Variants in SSNA1 observed in about 807,000 individuals in gnomAD.
SSNA1 encodes microtubule nucleation factor SSNA1.
A neutral mutation model predicts 13.3 loss-of-function variants in SSNA1; 13 were observed. The observed-to-expected ratio is 0.97, with a 90% CI of 0.63 to 1.55. The LOEUF (loss-of-function observed/expected upper bound fraction) is 1.55, where lower values mean the gene tolerates loss of function less well. Among genes scored for constraint, SSNA1 ranks in the 40% most tolerant of loss-of-function variants. The pLI is 0.00. For missense variants in SSNA1, 186 were observed against 152.7 expected (o/e 1.22, Z -1.15); for synonymous variants, 89 against 65.9 (o/e 1.35, Z -1.70).
Position 137,189,837 on chromosome 9 carries a change from G to A in SSNA1, c.283G>A (p.Val95Ile), listed in dbSNP as rs562308279. ...ILESSQTLLS[V>I]LKREAGNLTK... ...GGAGAGCTCCCAGACTTTGCTCAGC[G>A]TTCTCAAGAGGGAAGCTGGGAACCT... The change falls in exon 3 of 3, where the codon GTT becomes ATT. Residue 95 changes from valine to isoleucine, a missense_variant. Val to Ile is a conservative substitution (Grantham distance 29). Coordinates refer to ENST00000322310, the MANE Select transcript of SSNA1 (RefSeq NM_003731.3). 3 of 1,614,002 alleles carry A rather than the reference G, an allele frequency of 1.9e-6. No homozygotes were observed. The highest frequency in any genetic ancestry group is 1.7e-5 in the Admixed American group (1 of 60,018).
chr9:137,188,894 C>T lies in SSNA1; in HGVS notation c.52+116C>T, dbSNP rs1834546852. The T allele has an allele frequency of 3.7e-6, 5 of 1,345,818 alleles. No homozygotes were observed. In the South Asian group the frequency reaches 4.7e-5, roughly 13 times the overall value. The allele number at this position is 1,345,818 out of a possible 1,614,324, so 83.4% of individuals were successfully genotyped here. Reference sequence around the variant, plus strand: ...CGGGCATCGCGCGGCTGAGCAGAGCCCTCCGTGCCGGAGGCCGGGTGTCCG... The same window carrying T: ...CGGGCATCGCGCGGCTGAGCAGAGCTCTCCGTGCCGGAGGCCGGGTGTCCG... On this transcript the variant is annotated intron_variant, in intron 1 of 2. Transcript: ENST00000322310.
At position 137,190,066 on chromosome 9, in the gene SSNA1, G is replaced by A. The variant is rs1588769731; in HGVS notation, c.*152G>A. ...CAGGTGCCAGCCTCCACTGGCATCA[G>A]TGACAAGCCCAGGGCACAGCCCACC... On this transcript the variant is annotated 3_prime_UTR_variant, in exon 3 of 3. Coordinates refer to ENST00000322310, the MANE Select transcript of SSNA1 (RefSeq NM_003731.3). 5.8e-6 allele frequency: 4 copies of A among 693,732 alleles called. No homozygotes were observed. The highest frequency in any genetic ancestry group is 7.3e-6 in the Non-Finnish European group (3 of 409,780). 43.0% of individuals were successfully genotyped at this position (693,732 alleles called of 1,614,324 possible).
rs1395216733 is a variant in SSNA1 at position 137,190,089 on chromosome 9, A to AC, written c.*178dup. 1.8e-5 allele frequency: 11 copies of AC among 610,430 alleles called. No individual in the cohort carries two copies. The East Asian group carries it at 2.3e-4, about 13-fold the overall frequency. 37.8% of individuals were successfully genotyped at this position (610,430 alleles called of 1,614,324 possible). ...CAGTGACAAGCCCAGGGCACAGCCC[A>AC]CCCGGGGGTCCTCGCTTCATGCTCA... On this transcript the variant is annotated 3_prime_UTR_variant, in exon 3 of 3. Transcript: ENST00000322310.
At position 137,188,693 on chromosome 9, in the gene SSNA1, G is replaced by C; in HGVS notation, c.-34G>C. 2 of 1,574,716 alleles carry C rather than the reference G, an allele frequency of 1.3e-6. No individual in the cohort carries two copies. Among genetic ancestry groups the C allele is most frequent in the Non-Finnish European group, 1.7e-6 (2 of 1,169,254 alleles). ...GCGCGGACAGCGCTGCTTCCGCGGC[G>C]GTTGGGGTGGTGGGGCCCCGGGCGG... On this transcript the variant is annotated 5_prime_UTR_variant, in exon 1 of 3. Coordinates refer to ENST00000322310, the MANE Select transcript of SSNA1 (RefSeq NM_003731.3).
chr9:137,188,922 G>A (rs1295289731), intron 1 of SSNA1, 144 bp downstream of exon 1: 3 of 1,320,628 alleles, frequency 2.3e-6, no homozygotes, highest in Non-Finnish European at 2.0e-6. Flanking sequence ...GGTGTCCGTG[G>A]CCCGAGCCCT....
Position 137,190,048 on chromosome 9 carries a change from C to A in SSNA1, c.*134C>A. 1 of 781,044 alleles carries A rather than the reference C, an allele frequency of 1.3e-6. No individual in the cohort carries two copies. Among genetic ancestry groups the A allele is most frequent in the Non-Finnish European group, 2.1e-6 (1 of 484,016 alleles). 48.4% of individuals were successfully genotyped at this position (781,044 alleles called of 1,614,324 possible). A position where few individuals can be genotyped will look rare whatever the true frequency, so the allele number is the denominator to read the frequency against. On this transcript the variant is annotated 3_prime_UTR_variant, in exon 3 of 3. Transcript: ENST00000322310. ...CTCAGGTGCCGAGAGGGGCAGGTGC[C>A]AGCCTCCACTGGCATCAGTGACAAG...
In SSNA1 at chr9:137,189,768, A is replaced by G. The variant is rs773332237; in HGVS notation, c.253-39A>G. ...AGCTGGGGCTTAGGACCTTACCAAC[A>G]GGTGAACATTAACAACCTTCTCACT... On this transcript the variant is annotated intron_variant, in intron 2 of 2. Transcript: ENST00000322310. 67 of 1,586,916 alleles carry G rather than the reference A, an allele frequency of 4.2e-5. 1 individual carries two copies. In the South Asian group the frequency reaches 7.3e-4, roughly 17 times the overall value.
Position 137,189,876 on chromosome 9 carries a change from G to A in SSNA1, c.322G>A (p.Ala108Thr). 2 of 1,613,980 alleles carry A rather than the reference G, an allele frequency of 1.2e-6. No homozygotes were observed. The highest frequency in any genetic ancestry group is 1.7e-6 in the Non-Finnish European group (2 of 1,180,026). The change falls in exon 3 of 3, where the codon GCC becomes ACC. Residue 108 changes from alanine to threonine, a missense_variant. Transcript: ENST00000322310. ...AGCTGGGAACCTGACCAAGGCTACA[G>A]CCCCAGACCAGAAAAGTAGCGGCGG... Reference protein sequence around the residue: ...REAGNLTKATAPDQKSSGGRD... With the variant: ...REAGNLTKATTPDQKSSGGRD...
intron 2 of SSNA1, among the ~76,000 whole-genome samples, 193 bp from the exon 3 acceptor site, chr9:137,189,614 G>A (rs1834565845): frequency 6.6e-6 from 1 of 152,218 alleles, no homozygotes; most frequent in Admixed American, 6.5e-5. Context: ...AAGTGTTTTG[G>A]GTCAGATTCC....
chr9:137,189,496 T>C (rs1220324642), intron 2 of SSNA1, among the ~76,000 whole-genome samples: 1 of 152,226 alleles, frequency 6.6e-6, no homozygotes, highest in Admixed American at 6.5e-5. Context: ...CTTTATCCGG[T>C]TCTCGCTAGC....
At chr9:137,189,752 T>A in intron 2 of SSNA1, 55 bp from the exon 3 acceptor site, 1 of 1,533,468 alleles carries the variant, frequency 6.5e-7, no homozygotes, top group Non-Finnish European at 9.0e-7. Flanking sequence ...CAGCTGGGGC[T>A]TAGGACCTTA....
In SSNA1 at chr9:137,189,169, G is replaced by A. The variant is rs1047963326; in HGVS notation, c.156G>A (p.Glu52=). ...AGAATGAGGTGAGGCAGCTGACAGA[G>A]AAGCTGGCCCGCGTCAACGAGAACC... is the stretch of plus-strand genomic sequence containing the variant. ...RLQNEVRQLT[E]KLARVNENLA... is the part of the protein sequence containing the mutation. Residue 52 remains glutamate (E), a synonymous_variant, in exon 2 of 3, where the codon GAG becomes GAA. Transcript: ENST00000322310. The A allele has an allele frequency of 6.2e-7, 1 of 1,613,014 alleles. No homozygotes were observed.
At chr9:137,189,315 G>C in intron 2 of SSNA1, 50 bp downstream of exon 2, 1 of 1,600,190 alleles carries the variant, frequency 6.2e-7, no homozygotes, top group South Asian at 1.1e-5. Flanking sequence ...CACGGCAGGG[G>C]TGTTGCCACG....
rs770343069 is a variant in SSNA1 at position 137,189,027 on chromosome 9, C to T, written c.53-39C>T. On this transcript the variant is annotated intron_variant, in intron 1 of 2. Coordinates refer to ENST00000322310, the MANE Select transcript of SSNA1 (RefSeq NM_003731.3). ...AGGCCCGCCCTCCGCCGCCGCGCTCCTGCCCTGGGCCCACAGCGCCGCCCC... is the reference window on the plus strand; with the variant it reads ...AGGCCCGCCCTCCGCCGCCGCGCTCTTGCCCTGGGCCCACAGCGCCGCCCC... 9 of 1,545,990 alleles carry T rather than the reference C, an allele frequency of 5.8e-6. No individual in the cohort carries two copies. The South Asian group carries it at 1.1e-4, about 18-fold the overall frequency.
chr9:137,188,859 C>A, intron 1 of SSNA1, 81 bp downstream of exon 1: 2 of 1,431,284 alleles, frequency 1.4e-6, no homozygotes, highest in South Asian at 1.4e-5. Context: ...CCCCTGGACC[C>A]GCCTCGCTGC....
chr9:137,189,325 G>C lies in SSNA1; in HGVS notation c.252+60G>C. On this transcript the variant is annotated intron_variant, in intron 2 of 2. Transcript: ENST00000322310. ...ATAGGCACGGCAGGGGTGTTGCCAC[G>C]GCAAGGCGTCAGGACCGGCTGGGGC... 1.9e-6 allele frequency: 3 copies of C among 1,589,626 alleles called. No individual in the cohort carries two copies. The African/African-American group carries it at 4.0e-5, about 21-fold the overall frequency.
At chr9:137,189,303 G>A (rs1192033478) in intron 2 of SSNA1, 38 bp downstream of exon 2, 1 of 1,608,560 alleles carries the variant, frequency 6.2e-7, no homozygotes, top group Admixed American at 1.7e-5. Flanking sequence ...TCAGGGGATA[G>A]GCACGGCAGG....
At chr9:137,189,311 A>T in intron 2 of SSNA1, 46 bp downstream of exon 2, 2 of 1,603,084 alleles carry the variant, frequency 1.2e-6, no homozygotes, top group Non-Finnish European at 1.7e-6. Flanking sequence ...TAGGCACGGC[A>T]GGGGTGTTGC....
chr9:137,189,057 G>A lies in SSNA1; in HGVS notation c.53-9G>A. The A allele has an allele frequency of 1.3e-6, 2 of 1,556,332 alleles. No individual in the cohort carries two copies. The highest frequency in any genetic ancestry group is 1.7e-6 in the Non-Finnish European group (2 of 1,149,622). On this transcript the variant is annotated splice_polypyrimidine_tract_variant and intron_variant, in intron 1 of 2. Coordinates refer to ENST00000322310, the MANE Select transcript of SSNA1 (RefSeq NM_003731.3). ...CTGGGCCCACAGCGCCGCCCCTCCC[G>A]GCCCCCAGGCATAGAGGAGCTGTGC... is the stretch of plus-strand genomic sequence containing the variant.
Sources: gnomAD v4.1 joint callset for allele counts (sites outside exome capture counted in the v4.1 genomes callset) on GRCh38, gnomAD v4.1.1 for gene constraint, MANE v1.5 for transcripts, NCBI Gene and HGNC (gene_info 2026-07-23, HGNC 2026-07-21) for gene names.